SMG1: variants seen among roughly 807,000 people sequenced by gnomAD.
The protein encoded by SMG1 is serine/threonine-protein kinase SMG1.
Under a neutral mutation model 419.9 loss-of-function variants are expected in SMG1, and 22 were observed. That is an observed-to-expected ratio of 0.05 (90% CI 0.04 to 0.07). SMG1 has a LOEUF of 0.07. Ranked by LOEUF, SMG1 falls within the 10% of genes least tolerant of loss-of-function variation. SMG1 has a pLI of 1.00. For synonymous variants in SMG1, 1,538 were observed against 1,553.5 expected (o/e 0.99, Z 0.23); for missense variants, 3,185 against 4,342.0 (o/e 0.73, Z 7.49).
intron 6 of SMG1, among the ~76,000 whole-genome samples, chr16:18,886,494 T>C (rs1351849994): frequency 1.3e-5 from 2 of 152,054 alleles, no homozygotes; most frequent in African/African-American, 2.4e-5. Flanking sequence ...ATAAAAGAAA[T>C]GCTAGAATCA....
intron 1 of SMG1, among the ~76,000 whole-genome samples, chr16:18,916,289 G>A (rs1363121739): frequency 6.6e-6 from 1 of 151,546 alleles, no homozygotes; most frequent in East Asian, 2.0e-4. Context: ...GCCAAGGTGG[G>A]CGGATCACGA....
chr16:18,852,192 C>T lies in SMG1; in HGVS notation c.4927G>A (p.Val1643Ile). 6.2e-7 allele frequency: 1 copy of T among 1,613,184 alleles called. No homozygotes were observed. The change falls in exon 33 of 63, where the codon GTT becomes ATT. Residue 1643 changes from valine (V) to isoleucine (I), a missense_variant. Val to Ile is a conservative substitution (Grantham distance 29). Transcript: ENST00000446231. ...GATTTTTCTCTAGGCAGCAGACGAA[C>T]ACCTTCTCCCTGACTATAAAAATAA... is the stretch of plus-strand genomic sequence containing the variant. Reference protein sequence around the residue: ...VVDNASQGEGVRLLPREKSEV... With the variant: ...VVDNASQGEGIRLLPREKSEV...
At chr16:18,867,472 C>A (rs151185907) in intron 22 of SMG1, among the ~76,000 whole-genome samples, 1 of 150,900 alleles carries the variant, frequency 6.6e-6, no homozygotes, top group Non-Finnish European at 1.5e-5. Context: ...TACAGTGAGC[C>A]GAGATCGCAC....
chr16:18,892,997 T>C (rs1036891563), intron 3 of SMG1, among the ~76,000 whole-genome samples: 2 of 152,170 alleles, frequency 1.3e-5, no homozygotes. Context: ...CCAAACTGTT[T>C]TCAACATGCA....
At position 18,829,593 on chromosome 16, in the gene SMG1, T is replaced by C. The variant is rs1480259769; in HGVS notation, c.9296A>G (p.Asn3099Ser). 3 of 1,613,978 alleles carry C rather than the reference T, an allele frequency of 1.9e-6. No individual in the cohort carries two copies. Among genetic ancestry groups the C allele is most frequent in the Admixed American group, 1.7e-5 (1 of 60,012 alleles). ...FVRQLLIGLP[N>S]QALGLTLCSF... ...GCACAGTGTGAGTCCGAGGGCTTGG[T>C]TGGGTAGCCCTATCAAGAGCTGCCT... The change falls in exon 54 of 63, where the codon AAC (asparagine) becomes AGC (serine). Residue 3099 changes from asparagine (N) to serine (S), a missense_variant. Transcript: ENST00000446231.
At chr16:18,873,273 C>A (rs895333578) in intron 13 of SMG1, among the ~76,000 whole-genome samples, 2 of 152,142 alleles carry the variant, frequency 1.3e-5, no homozygotes, top group Non-Finnish European at 2.9e-5. Context: ...GGCTGGAGTG[C>A]AATGGTGCGA....
At chr16:18,827,873 T>TATATATATATATATATATATATATATA in intron 55 of SMG1, among the ~76,000 whole-genome samples, 158 bp downstream of exon 55, 1 of 148,056 alleles carries the variant, frequency 6.8e-6, no homozygotes, top group African/African-American at 2.5e-5. Context: ...TATATATATA[T>TATATATATATATATATATATATATATA]GTATAAATTA....
intron 3 of SMG1, among the ~76,000 whole-genome samples, chr16:18,895,501 CA>C (rs34296177): frequency 5.4e-4 from 77 of 141,888 alleles, no homozygotes; most frequent in African/African-American, 6.7e-4. Context: ...AAAACAACAA[CA>C]AAAAAAAAAA....
Position 18,829,915 on chromosome 16 carries a change from T to A in SMG1, c.9133+11A>T. On this transcript the variant is annotated intron_variant, in intron 53 of 62. Transcript: ENST00000446231. ...TAGCTAAAGCTAGTATGTTTACAGG[T>A]AGAATATTACCTGACAATGTTTTAG... The A allele has an allele frequency of 6.5e-7, 1 of 1,527,296 alleles. No individual in the cohort carries two copies. The highest frequency in any genetic ancestry group is 8.8e-7 in the Non-Finnish European group (1 of 1,139,358). The allele number at this position is 1,527,296 out of a possible 1,614,324, so 94.6% of individuals were successfully genotyped here.
At chr16:18,849,451 C>A in intron 35 of SMG1, 73 bp from the exon 36 acceptor site, 1 of 1,410,630 alleles carries the variant, frequency 7.1e-7, no homozygotes, top group Non-Finnish European at 9.8e-7. Context: ...CATCGTAGAT[C>A]AAACAGATAA....
Position 18,834,970 on chromosome 16 carries a change from A to G in SMG1, c.8252T>C (p.Val2751Ala). 6.2e-7 allele frequency: 1 copy of G among 1,613,996 alleles called. No homozygotes were observed. Among genetic ancestry groups the G allele is most frequent in the Non-Finnish European group, 8.5e-7 (1 of 1,179,884 alleles). The part of the protein sequence containing the change: ...QLKEIERCIK[V>A]FLHENGEEGS... ...TTCTTCTCCATTCTCATGAAGGAAAACTTTAATGCAACGTTCAATTTCTTT... is the reference window on the plus strand; with the variant it reads ...TTCTTCTCCATTCTCATGAAGGAAAGCTTTAATGCAACGTTCAATTTCTTT... Residue 2751 changes from valine to alanine, a missense_variant, in exon 49 of 63, where the codon GTT (valine) becomes GCT (alanine). By Grantham distance (64) the Val-to-Ala change is moderately conservative (BLOSUM62 0). Transcript: ENST00000446231.
chr16:18,811,888 AC>A, intron 61 of SMG1, 21 bp from the exon 62 acceptor site: 1 of 1,613,334 alleles, frequency 6.2e-7, no homozygotes, highest in Non-Finnish European at 8.5e-7. Context: ...ACAAAAACAT[AC>A]GTAAGTCAAA....
chr16:18,849,160 T>A, intron 36 of SMG1, 57 bp downstream of exon 36: 1 of 1,169,214 alleles, frequency 8.6e-7, no homozygotes, highest in Non-Finnish European at 1.1e-6. Flanking sequence ...TTGACCTCAC[T>A]AAAATTATTG....
intron 9 of SMG1, 34 bp from the exon 10 acceptor site, chr16:18,882,372 G>C: frequency 8.2e-7 from 1 of 1,215,510 alleles, no homozygotes; most frequent in African/African-American, 1.6e-5. Flanking sequence ...TTAATAAGTA[G>C]TACATTGTTT....
chr16:18,891,185 C>A (rs1197067255), intron 4 of SMG1, among the ~76,000 whole-genome samples: 2 of 152,102 alleles, frequency 1.3e-5, no homozygotes, highest in Non-Finnish European at 2.9e-5. Flanking sequence ...ACTTTGAAAT[C>A]CATTTGAAAA....
chr16:18,839,749 T>C lies in SMG1; in HGVS notation c.6894A>G (p.Lys2298=). 1 of 1,613,982 alleles carries C rather than the reference T, an allele frequency of 6.2e-7. No individual in the cohort carries two copies. The highest frequency in any genetic ancestry group is 8.5e-7 in the Non-Finnish European group (1 of 1,179,886). ...MEATPPNLLA[K]ELWSSCTTPD... ...GTGTTGTGCAAGATGACCAGAGCTC[T>C]TTGGCAAGGAGATTCGGGGGTGTGG... Residue 2298 remains lysine (K), a synonymous_variant, in exon 42 of 63, where the codon AAA becomes AAG. Coordinates refer to ENST00000446231, the MANE Select transcript of SMG1 (RefSeq NM_015092.5).
rs1343908162 is a variant in SMG1 at position 18,830,349 on chromosome 16, C to A, written c.8813G>T (p.Gly2938Val). ...ACCATTTCTCGGTTGGATTAATTCACCGTACTGAGCATGTAGTAGTCTACA... is the reference window on the plus strand; with the variant it reads ...ACCATTTCTCGGTTGGATTAATTCAACGTACTGAGCATGTAGTAGTCTACA... ...DVARLLHAQY[G>V]ELIQPRNGSV... The change falls in exon 52 of 63, where the codon GGT (glycine) becomes GTT (valine). Residue 2938 changes from glycine (G) to valine (V), a missense_variant. Transcript: ENST00000446231. 5 of 1,613,814 alleles carry A rather than the reference C, an allele frequency of 3.1e-6. No homozygotes were observed. Among genetic ancestry groups the A allele is most frequent in the Non-Finnish European group, 2.5e-6 (3 of 1,179,884 alleles).
intron 15 of SMG1, 128 bp downstream of exon 15, chr16:18,872,056 A>G (rs2035852605): frequency 2.1e-6 from 1 of 478,294 alleles, no homozygotes; most frequent in Admixed American, 4.0e-5. Flanking sequence ...GACAATAAAG[A>G]AGCTGCTCTA....
chr16:18,913,718 T>A (rs1274919979), intron 1 of SMG1, among the ~76,000 whole-genome samples: 1 of 152,076 alleles, frequency 6.6e-6, no homozygotes, highest in East Asian at 1.9e-4. Context: ...AGGCCACTGC[T>A]AAGCCTCTAA....
Sources: allele counts gnomAD v4.1 joint callset (sites outside exome capture counted in the v4.1 genomes callset), GRCh38; gene constraint gnomAD v4.1.1; transcripts MANE v1.5; gene names NCBI Gene and HGNC (gene_info 2026-07-23, HGNC 2026-07-21).